PCGF5: variants seen among roughly 807,000 people sequenced by gnomAD.
PCGF5 encodes polycomb group ring finger 5.
PCGF5 carries 9 observed loss-of-function variants against 44.3 expected under a neutral mutation model. The ratio of observed to expected loss-of-function variants is 0.20; its 90% confidence interval spans 0.12 to 0.35. The LOEUF (loss-of-function observed/expected upper bound fraction) is 0.35. PCGF5 is among the 10% of genes least tolerant of loss of function. The pLI is 1.00. For missense variants in PCGF5, 146 were observed against 305.3 expected, an observed-to-expected ratio of 0.48 and a Z score of 3.89; for synonymous variants, 95 against 102.5, an observed-to-expected ratio of 0.93 and a Z score of 0.44.
At position 91,280,680 on chromosome 10, in the gene PCGF5, G is replaced by A. The variant is rs1226014469; in HGVS notation, c.*2364G>A. ...CAGATTTCTTCAACTGACTTATTTT[G>A]GTATATTCAACTACAGCTTTCTAAG... On this transcript the variant is annotated 3_prime_UTR_variant, in exon 10 of 10. Transcript: ENST00000336126. 5 of 152,240 alleles carry A rather than the reference G, an allele frequency of 3.3e-5. No individual in the cohort carries two copies. The highest frequency in any genetic ancestry group is 4.8e-5 in the African/African-American group (2 of 41,392). 9.4% of individuals were successfully genotyped at this position (152,240 alleles called of 1,614,324 possible).
chr10:91,205,527 A>T (rs981004470), intron 1 of PCGF5, among the ~76,000 whole-genome samples: 1 of 152,230 alleles, frequency 6.6e-6, no homozygotes, highest in African/African-American at 2.4e-5. Flanking sequence ...ATTATAAATG[A>T]TGAGTTTCTC....
At chr10:91,231,395 A>C (rs1320210619) in intron 2 of PCGF5, among the ~76,000 whole-genome samples, 3 of 152,248 alleles carry the variant, frequency 2.0e-5, no homozygotes, top group Non-Finnish European at 4.4e-5. Flanking sequence ...TACAATTTTA[A>C]GTAAACTTGT....
chr10:91,254,705 A>G (rs957044434), intron 6 of PCGF5, among the ~76,000 whole-genome samples: 7 of 152,100 alleles, frequency 4.6e-5, no homozygotes, highest in Non-Finnish European at 1.0e-4. Context: ...TACTGCTTTT[A>G]TAATACAGAA....
At chr10:91,230,619 A>G (rs1231959974) in intron 2 of PCGF5, among the ~76,000 whole-genome samples, 2 of 152,034 alleles carry the variant, frequency 1.3e-5, no homozygotes, top group East Asian at 1.9e-4. Flanking sequence ...ACATTTATTT[A>G]TTTAGAGACA....
intron 1 of PCGF5, among the ~76,000 whole-genome samples, chr10:91,178,224 T>A (rs1843748144): frequency 6.6e-6 from 1 of 152,198 alleles, no homozygotes; most frequent in African/African-American, 2.4e-5. Context: ...AGGACAGCCA[T>A]AATTATATCA....
At chr10:91,188,940 G>T (rs950111495) in intron 1 of PCGF5, among the ~76,000 whole-genome samples, 4 of 152,220 alleles carry the variant, frequency 2.6e-5, no homozygotes, top group African/African-American at 9.6e-5. Flanking sequence ...AGAGTGGTTT[G>T]GGAGAAAGGG....
chr10:91,222,038 G>A (rs1407498736), intron 1 of PCGF5, among the ~76,000 whole-genome samples: 1 of 152,136 alleles, frequency 6.6e-6, no homozygotes, highest in Admixed American at 6.5e-5. Flanking sequence ...ATCCCTTCAG[G>A]TTGAAGAAAG....
Position 91,222,676 on chromosome 10 carries a change from AT to A in PCGF5, c.-183-9del, listed in dbSNP as rs1393280472. 2 of 513,966 alleles carry A rather than the reference AT, an allele frequency of 3.9e-6. No homozygotes were observed. The highest frequency in any genetic ancestry group is 1.9e-5 in the African/African-American group (1 of 52,142). 31.8% of individuals were successfully genotyped at this position (513,966 alleles called of 1,614,324 possible). A position where few individuals can be genotyped will look rare whatever the true frequency, so the allele number is the denominator to read the frequency against. On this transcript the variant is annotated splice_polypyrimidine_tract_variant and intron_variant, in intron 1 of 9. Coordinates refer to ENST00000336126, the MANE Select transcript of PCGF5 (RefSeq NM_032373.5). The stretch of plus-strand genomic sequence containing the variant: ...TTTTTTCTCTCATCTTTTTGAAATG[AT>A]TTTGGAAACAGACATGGGAAAGCGG...
At chr10:91,272,658 A>T (rs1255261623) in intron 9 of PCGF5, among the ~76,000 whole-genome samples, 1 of 152,124 alleles carries the variant, frequency 6.6e-6, no homozygotes, top group Non-Finnish European at 1.5e-5. Flanking sequence ...CTGTAGTCCC[A>T]GCTACTAAGG....
chr10:91,275,830 A>T (rs1352114862), intron 9 of PCGF5, among the ~76,000 whole-genome samples: 2 of 152,194 alleles, frequency 1.3e-5, no homozygotes, highest in African/African-American at 4.8e-5. Flanking sequence ...TTGAACTAGC[A>T]GTTCCGCTTT....
At chr10:91,215,139 T>C (rs1158937063) in intron 1 of PCGF5, among the ~76,000 whole-genome samples, 2 of 152,236 alleles carry the variant, frequency 1.3e-5, no homozygotes, top group Non-Finnish European at 2.9e-5. Context: ...CATTGTAAGT[T>C]GTTCAAATCA....
chr10:91,194,731 C>T (rs1337884596), intron 1 of PCGF5, among the ~76,000 whole-genome samples: 1 of 151,960 alleles, frequency 6.6e-6, no homozygotes, highest in Non-Finnish European at 1.5e-5. Flanking sequence ...AATGAGATCA[C>T]CAAGAGCATA....
At chr10:91,230,750 AG>A (rs1589382357) in intron 2 of PCGF5, among the ~76,000 whole-genome samples, 4 of 152,084 alleles carry the variant, frequency 2.6e-5, no homozygotes. Flanking sequence ...CTTTCTGAGT[AG>A]CTGTGTTACA....
chr10:91,171,638 G>A (rs559616822), intron 1 of PCGF5, among the ~76,000 whole-genome samples: 1 of 152,314 alleles, frequency 6.6e-6, no homozygotes, highest in African/African-American at 2.4e-5. Context: ...GAATAGCAGG[G>A]AATATGAGAT....
chr10:91,211,731 G>A (rs189568730), intron 1 of PCGF5, among the ~76,000 whole-genome samples: 1 of 152,304 alleles, frequency 6.6e-6, no homozygotes, highest in East Asian at 1.9e-4. Flanking sequence ...AGTTAGTAGG[G>A]CTCAGTGTAA....
At chr10:91,192,412 T>C (rs1844049785) in intron 1 of PCGF5, among the ~76,000 whole-genome samples, 1 of 152,250 alleles carries the variant, frequency 6.6e-6, no homozygotes, top group African/African-American at 2.4e-5. Context: ...GCTAGTCAGA[T>C]GCTATTGACC....
At chr10:91,194,187 A>T (rs554122372) in intron 1 of PCGF5, among the ~76,000 whole-genome samples, 1 of 152,310 alleles carries the variant, frequency 6.6e-6, no homozygotes, top group East Asian at 1.9e-4. Context: ...TCCCCAGAAA[A>T]TGTGAATGTG....
upstream of PCGF5, among the ~76,000 whole-genome samples, chr10:91,159,875 A>C (rs947285615): frequency 6.6e-6 from 1 of 152,246 alleles, no homozygotes; most frequent in Non-Finnish European, 1.5e-5. Flanking sequence ...TATCCCAGGT[A>C]TTAAGTCTTT....
intron 1 of PCGF5, among the ~76,000 whole-genome samples, chr10:91,204,998 A>T (rs1009983171): frequency 6.6e-6 from 1 of 152,202 alleles, no homozygotes. Context: ...TATCTAGCAA[A>T]TTTGTAATTT....
Sources: gnomAD v4.1 joint callset for allele counts (sites outside exome capture counted in the v4.1 genomes callset) on GRCh38, gnomAD v4.1.1 for gene constraint, MANE v1.5 for transcripts, NCBI Gene and HGNC (gene_info 2026-07-23, HGNC 2026-07-21) for gene names.